Variants in FDX1 observed in about 807,000 individuals in gnomAD.
FDX1 encodes adrenodoxin, mitochondrial.
FDX1 carries 9 observed loss-of-function variants against 14.9 expected under a neutral mutation model. The observed-to-expected ratio is 0.60, with a 90% CI of 0.36 to 1.05. FDX1 has a LOEUF of 1.05. FDX1 is among the 50% of genes least tolerant of loss of function. The pLI, the probability that FDX1 is intolerant of heterozygous loss-of-function variation, is 0.01. For synonymous variants in FDX1, 92 were observed against 99.4 expected (o/e 0.93, Z 0.44); for missense variants, 204 against 237.2 (o/e 0.86, Z 0.92).
intron 3 of FDX1, among the ~76,000 whole-genome samples, chr11:110,461,124 C>A (rs10891120): frequency 6.6e-6 from 1 of 151,950 alleles, no homozygotes; most frequent in Non-Finnish European, 1.5e-5. Context: ...ACAGTCTTAT[C>A]ACTTAACATA....
In FDX1 at chr11:110,444,706, G is replaced by A. The variant is rs899911548; in HGVS notation, c.310+8748G>A. ...TATACACGTATATATATATATATAC[G>A]TATATATATATATATACGTATATAT... On this transcript the variant is annotated intron_variant, in intron 2 of 3. Transcript: ENST00000260270. Among the ~76,000 whole-genome samples, 40 of 30,820 alleles carry A rather than the reference G, an allele frequency of 1.3e-3. 2 individuals are homozygous for A. The highest frequency in any genetic ancestry group is 4.7e-3 in the African/African-American group (21 of 4,452). The allele number at this position is 30,820 out of a possible 152,430, so 20.2% of individuals were successfully genotyped here.
intron 1 of FDX1, 74 bp from the exon 2 acceptor site, chr11:110,435,760 A>C: frequency 1.6e-6 from 2 of 1,219,170 alleles, no homozygotes; most frequent in Non-Finnish European, 1.1e-6. Flanking sequence ...GAGGCCTTAT[A>C]GGCTTTTAAA....
chr11:110,439,604 A>T (rs10891108), intron 2 of FDX1, among the ~76,000 whole-genome samples: 46,270 of 152,016 alleles, frequency 0.3, 7,283 homozygotes, highest in East Asian at 0.38. Context: ...GGATGCATAG[A>T]TTGTGAATAT....
chr11:110,440,704 T>C (rs1368018660), intron 2 of FDX1, among the ~76,000 whole-genome samples: 1 of 152,218 alleles, frequency 6.6e-6, no homozygotes, highest in Non-Finnish European at 1.5e-5. Flanking sequence ...AACATTGGAA[T>C]GGATGCTAAA....
At position 110,464,870 on chromosome 11, in the gene FDX1, G is replaced by A. The variant is rs1291307400; in HGVS notation, c.*2402G>A. On this transcript the variant is annotated 3_prime_UTR_variant, in exon 4 of 4. Coordinates refer to ENST00000260270, the MANE Select transcript of FDX1 (RefSeq NM_004109.5). ...AAACCTTCTAAAATTATTAAATGGA[G>A]GATATAATCTATAATTGGTTTGTAT... 5 of 152,074 alleles carry A rather than the reference G, an allele frequency of 3.3e-5. No individual in the cohort carries two copies. Among genetic ancestry groups the A allele is most frequent in the African/African-American group, 4.8e-5 (2 of 41,406 alleles). 9.4% of individuals were successfully genotyped at this position (152,074 alleles called of 1,614,324 possible). A position where few individuals can be genotyped will look rare whatever the true frequency, so the allele number is the denominator to read the frequency against.
intron 3 of FDX1, among the ~76,000 whole-genome samples, chr11:110,458,752 T>C (rs1946538686): frequency 6.6e-6 from 1 of 151,946 alleles, no homozygotes; most frequent in Non-Finnish European, 1.5e-5. Flanking sequence ...GGATTACAGG[T>C]GCCTGCCACC....
intron 2 of FDX1, among the ~76,000 whole-genome samples, chr11:110,455,896 T>C (rs766592166): frequency 1.3e-5 from 2 of 152,214 alleles, no homozygotes; most frequent in Non-Finnish European, 2.9e-5. Context: ...GGCTGACTTA[T>C]GTGGTGTCGG....
intron 2 of FDX1, among the ~76,000 whole-genome samples, chr11:110,441,474 G>T (rs932106280): frequency 6.6e-6 from 1 of 152,182 alleles, no homozygotes; most frequent in African/African-American, 2.4e-5. Flanking sequence ...AGATGGAGAC[G>T]AGGAACTTGT....
chr11:110,438,943 G>A (rs752623061), intron 2 of FDX1, among the ~76,000 whole-genome samples: 14 of 151,692 alleles, frequency 9.2e-5, no homozygotes, highest in South Asian at 8.4e-4. Context: ...TTGTTCTGTC[G>A]CCCAGGCTAG....
rs191154646 is a variant in FDX1, at chr11:110,459,688, G to T, written c.440+2641G>T. 4.6e-5 allele frequency among the ~76,000 whole-genome samples: 7 copies of T among 152,340 alleles called. No individual in the cohort carries two copies. In the East Asian group the frequency reaches 9.6e-4, roughly 21 times the overall value. ...ACTGGAGAAAATACCTTCCAGGTTT[G>T]CAGAAGTGTCAAAATGTTGTGGGAC... On this transcript the variant is annotated intron_variant, in intron 3 of 3. Transcript: ENST00000260270.
intron 2 of FDX1, among the ~76,000 whole-genome samples, chr11:110,440,121 A>G (rs1273874793): frequency 6.6e-6 from 1 of 151,940 alleles, no homozygotes; most frequent in Non-Finnish European, 1.5e-5. Context: ...TTGTAATGCC[A>G]TCTTTGTCAT....
chr11:110,453,835 G>A (rs1028674264), intron 2 of FDX1, among the ~76,000 whole-genome samples: 1 of 152,166 alleles, frequency 6.6e-6, no homozygotes, highest in African/African-American at 2.4e-5. Flanking sequence ...TTTCTGTAGT[G>A]ATAGTTGTTC....
At chr11:110,431,868 G>A (rs1946334247) in intron 1 of FDX1, among the ~76,000 whole-genome samples, 1 of 152,144 alleles carries the variant, frequency 6.6e-6, no homozygotes, top group South Asian at 2.1e-4. Context: ...TACAGACTTT[G>A]GAGCTACAAC....
Position 110,430,090 on chromosome 11 carries a change from C to T in FDX1, c.-31C>T, listed in dbSNP as rs1003429213. The stretch of plus-strand genomic sequence containing the variant: ...TCTCGCGGCCTCAAAGCGCGGCCTG[C>T]GTCGCTTCCGGCAGTTCCCGACCGC... On this transcript the variant is annotated 5_prime_UTR_variant, in exon 1 of 4. Coordinates refer to ENST00000260270, the MANE Select transcript of FDX1 (RefSeq NM_004109.5). 6.6e-6 allele frequency: 8 copies of T among 1,214,572 alleles called. No individual in the cohort carries two copies. In the African/African-American group the frequency reaches 1.1e-4, roughly 17 times the overall value. 75.2% of individuals were successfully genotyped at this position (1,214,572 alleles called of 1,614,324 possible). A position where few individuals can be genotyped will look rare whatever the true frequency, so the allele number is the denominator to read the frequency against.
intron 2 of FDX1, 138 bp downstream of exon 2, chr11:110,436,096 A>G (rs1946367195): frequency 8.4e-6 from 6 of 713,236 alleles, no homozygotes; most frequent in South Asian, 1.8e-5. Context: ...TGTTAGTGTT[A>G]TATTCTTGTT....
Position 110,430,110 on chromosome 11 carries a change from G to T in FDX1, c.-11G>T. The T allele has an allele frequency of 1.6e-6, 2 of 1,231,826 alleles. No individual in the cohort carries two copies. Among genetic ancestry groups the T allele is most frequent in the South Asian group, 3.6e-5 (1 of 27,734 alleles). 76.3% of individuals were successfully genotyped at this position (1,231,826 alleles called of 1,614,324 possible). On this transcript the variant is annotated 5_prime_UTR_variant, in exon 1 of 4. Transcript: ENST00000260270. ...GCCTGCGTCGCTTCCGGCAGTTCCC[G>T]ACCGCGGGCGATGGCTGCCGCTGGG...
chr11:110,454,295 T>C (rs1424482570), intron 2 of FDX1, among the ~76,000 whole-genome samples: 1 of 152,164 alleles, frequency 6.6e-6, no homozygotes, highest in Non-Finnish European at 1.5e-5. Context: ...TGAAGCTTCC[T>C]AGGGAAGAGG....
In FDX1 at chr11:110,444,748, G is replaced by GTATATATATA. The variant is rs538386755; in HGVS notation, c.310+8800_310+8809dup. Among the ~76,000 whole-genome samples the GTATATATATA allele has an allele frequency of 1.2e-3, 36 of 29,830 alleles. 1 individual carries two copies. Among genetic ancestry groups the GTATATATATA allele is most frequent in the African/African-American group, 3.7e-3 (30 of 8,096 alleles). 19.6% of individuals were successfully genotyped at this position (29,830 alleles called of 152,430 possible). On this transcript the variant is annotated intron_variant, in intron 2 of 3. Transcript: ENST00000260270. ...CGTATATATATATATATATATACAC[G>GTATATATATA]TATATATATATATATATATTTGCAG...
At chr11:110,462,329 C>T (rs1261784232) in intron 3 of FDX1, 25 bp from the exon 4 acceptor site, 1 of 1,356,780 alleles carries the variant, frequency 7.4e-7, no homozygotes, top group East Asian at 2.3e-5. Flanking sequence ...AATACTAAAC[C>T]ATACCTTCCC....
Sources: gnomAD v4.1 joint callset for allele counts (sites outside exome capture counted in the v4.1 genomes callset) on GRCh38, gnomAD v4.1.1 for gene constraint, MANE v1.5 for transcripts, NCBI Gene and HGNC (gene_info 2026-07-23, HGNC 2026-07-21) for gene names.